DENND4A: variants seen among roughly 807,000 people sequenced by gnomAD.
DENND4A encodes DENN domain containing 4A.
In DENND4A, 70 loss-of-function variants were observed where a neutral mutation model predicts 199.3. The observed-to-expected ratio is 0.35, with a 90% CI of 0.29 to 0.43. DENND4A has a LOEUF of 0.43. DENND4A is among the 20% of genes least tolerant of loss of function. The pLI, the probability that DENND4A is intolerant of heterozygous loss-of-function variation, is 1.00. For missense variants in DENND4A, 1,723 were observed against 2,255.8 expected, an observed-to-expected ratio of 0.76 and a Z score of 4.78; for synonymous variants, 686 against 766.9, an observed-to-expected ratio of 0.89 and a Z score of 1.74.
chr15:65,769,198 TACACACACACAC>T (rs3082834), intron 1 of DENND4A, among the ~76,000 whole-genome samples: 13 of 146,274 alleles, frequency 8.9e-5, no homozygotes, highest in Non-Finnish European at 2.0e-4. Flanking sequence ...ATATAAGGTA[TACACACACACAC>T]ACACACACAC....
intron 1 of DENND4A, among the ~76,000 whole-genome samples, chr15:65,764,555 C>T (rs1428616903): frequency 3.3e-5 from 5 of 152,186 alleles, no homozygotes; most frequent in African/African-American, 1.2e-4. Flanking sequence ...TGCTTGAACC[C>T]TGGAGGCGGA....
chr15:65,747,142 C>T (rs1212865956), intron 4 of DENND4A, among the ~76,000 whole-genome samples: 2 of 151,076 alleles, frequency 1.3e-5, no homozygotes, highest in African/African-American at 4.9e-5. Context: ...GAGTCAAAAA[C>T]TAAGGAGATA....
intron 1 of DENND4A, chr15:65,771,467 C>A: frequency 6.2e-7 from 1 of 1,608,760 alleles, no homozygotes; most frequent in Non-Finnish European, 8.5e-7. Context: ...TTGCCCTGTT[C>A]CAGATCTGGG....
At chr15:65,731,417 A>G in intron 9 of DENND4A, 1 of 555,800 alleles carries the variant, frequency 1.8e-6, no homozygotes. Flanking sequence ...ACACAATAGT[A>G]GGTATTTGAT....
intron 1 of DENND4A, among the ~76,000 whole-genome samples, chr15:65,787,374 G>T (rs1210620752): frequency 6.6e-6 from 1 of 152,094 alleles, no homozygotes; most frequent in Non-Finnish European, 1.5e-5. Flanking sequence ...ACATTTTAAT[G>T]ACTCACTATT....
Position 65,664,553 on chromosome 15 carries a change from G to C in DENND4A, c.5522+7C>G, listed in dbSNP as rs1260564331. ...GAACAATATATTCGTCTAAGAGAAGGACTTACCTCTGTCTTTTAAAATGTG... is the reference window on the plus strand; with the variant it reads ...GAACAATATATTCGTCTAAGAGAAGCACTTACCTCTGTCTTTTAAAATGTG... On this transcript the variant is annotated splice_region_variant and intron_variant, in intron 31 of 32. Transcript: ENST00000443035. The C allele has an allele frequency of 6.2e-7, 1 of 1,610,076 alleles. No individual in the cohort carries two copies. Among genetic ancestry groups the C allele is most frequent in the Non-Finnish European group, 8.5e-7 (1 of 1,177,432 alleles).
chr15:65,701,757 T>G lies in DENND4A; in HGVS notation c.2559+5A>C, dbSNP rs751022761. 2 of 1,613,056 alleles carry G rather than the reference T, an allele frequency of 1.2e-6. No individual in the cohort carries two copies. Among genetic ancestry groups the G allele is most frequent in the East Asian group, 4.5e-5 (2 of 44,856 alleles). On this transcript the variant is annotated splice_donor_5th_base_variant and intron_variant, in intron 18 of 32. Coordinates refer to ENST00000443035, the MANE Select transcript of DENND4A (RefSeq NM_001320835.1). ...ACTCTTTATCCATTAAACCAAGGTATTTACCTTATTATAATAACCATAAGT... is the reference window on the plus strand; with the variant it reads ...ACTCTTTATCCATTAAACCAAGGTAGTTACCTTATTATAATAACCATAAGT...
chr15:65,741,820 T>C, intron 4 of DENND4A, 36 bp from the exon 5 acceptor site: 1 of 1,535,474 alleles, frequency 6.5e-7, no homozygotes, highest in Non-Finnish European at 9.0e-7. Flanking sequence ...ATTTAATTTT[T>C]AAAAGGTAGG....
intron 11 of DENND4A, 60 bp from the exon 12 acceptor site, chr15:65,723,008 T>A (rs1309791091): frequency 8.1e-7 from 1 of 1,235,782 alleles, no homozygotes; most frequent in Non-Finnish European, 1.1e-6. Context: ...GGGAAAGGTA[T>A]ATATCTGTTA....
At chr15:65,756,985 C>T (rs191123723) in intron 2 of DENND4A, among the ~76,000 whole-genome samples, 19 of 152,092 alleles carry the variant, frequency 1.2e-4, no homozygotes, top group Middle Eastern at 3.4e-3. Context: ...TGCAGTGAGC[C>T]GAGATCGGAC....
intron 14 of DENND4A, among the ~76,000 whole-genome samples, chr15:65,712,853 T>C (rs947689959): frequency 6.6e-6 from 1 of 152,164 alleles, no homozygotes; most frequent in Non-Finnish European, 1.5e-5. Context: ...CTTCCTTTTT[T>C]CTATTATCAT....
chr15:65,727,235 G>A (rs1446411663), intron 11 of DENND4A, among the ~76,000 whole-genome samples: 1 of 151,114 alleles, frequency 6.6e-6, no homozygotes, highest in Non-Finnish European at 1.5e-5. Context: ...GGCGGATCAC[G>A]AGGTCAGGAG....
At chr15:65,723,787 GCTCT>G (rs927722148) in intron 11 of DENND4A, among the ~76,000 whole-genome samples, 5 of 151,982 alleles carry the variant, frequency 3.3e-5, no homozygotes, top group Admixed American at 2.6e-4. Context: ...GTGAACGTGG[GCTCT>G]CTCTCTCAAA....
intron 4 of DENND4A, among the ~76,000 whole-genome samples, chr15:65,742,241 C>T (rs2140484554): frequency 6.6e-6 from 1 of 152,282 alleles, no homozygotes; most frequent in East Asian, 1.9e-4. Flanking sequence ...AAATTCATTT[C>T]CAATCAGGCT....
intron 30 of DENND4A, 65 bp from the exon 31 acceptor site, chr15:65,664,787 C>T: frequency 7.7e-7 from 1 of 1,298,592 alleles, no homozygotes; most frequent in Non-Finnish European, 1.1e-6. Context: ...AGAAATTAAG[C>T]AGCAACTGAC....
chr15:65,716,385 TCCCTCCC>T (rs2075401493), intron 13 of DENND4A, among the ~76,000 whole-genome samples: 1 of 117,922 alleles, frequency 8.5e-6, no homozygotes, highest in Admixed American at 9.0e-5. Context: ...CCTAATGCTA[TCCCTCCC>T]CCCTCCCCCC....
intron 20 of DENND4A, among the ~76,000 whole-genome samples, chr15:65,697,704 C>T (rs922351962): frequency 6.6e-6 from 1 of 152,100 alleles, no homozygotes; most frequent in Non-Finnish European, 1.5e-5. Context: ...TTATACAAGT[C>T]CATGACCTTT....
intron 4 of DENND4A, among the ~76,000 whole-genome samples, chr15:65,744,928 A>G (rs35709713): frequency 0.2 from 30,959 of 152,114 alleles, 4,211 homozygotes; most frequent in East Asian, 0.73. Context: ...TTGGAAAAAT[A>G]TCAGTATTAC....
intron 11 of DENND4A, among the ~76,000 whole-genome samples, chr15:65,724,462 T>C (rs182536570): frequency 1.0e-3 from 155 of 151,714 alleles, no homozygotes; most frequent in African/African-American, 3.5e-3. Flanking sequence ...AAAAGAAAAG[T>C]AAAACACTCA....
Sources: allele counts gnomAD v4.1 joint callset (sites outside exome capture counted in the v4.1 genomes callset), GRCh38; gene constraint gnomAD v4.1.1; transcripts MANE v1.5; gene names NCBI Gene and HGNC (gene_info 2026-07-23, HGNC 2026-07-21).